Variants in UBTD2 observed in about 807,000 individuals in gnomAD.
UBTD2 encodes the protein ubiquitin domain-containing protein 2.
In UBTD2, 9 loss-of-function variants were observed where a neutral mutation model predicts 19.8. The ratio of observed to expected loss-of-function variants is 0.46; its 90% CI spans 0.27 to 0.79. The LOEUF (loss-of-function observed/expected upper bound fraction) is 0.79. UBTD2 is among the 30% of genes least tolerant of loss of function. The pLI is 0.14. For missense variants in UBTD2, 250 were observed against 300.4 expected (o/e 0.83, Z 1.24); for synonymous variants, 98 against 103.9 (o/e 0.94, Z 0.35).
At chr5:172,241,179 C>T (rs1014494001) in intron 1 of UBTD2, among the ~76,000 whole-genome samples, 3 of 151,740 alleles carry the variant, frequency 2.0e-5, no homozygotes, top group South Asian at 2.1e-4. Flanking sequence ...TTTGGGAGGC[C>T]GACGTGAGTG....
In UBTD2 at chr5:172,211,775, A is replaced by G; in HGVS notation, c.*55T>C. 2 of 1,514,674 alleles carry G rather than the reference A, an allele frequency of 1.3e-6. No individual in the cohort carries two copies. The highest frequency in any genetic ancestry group is 1.4e-5 in the South Asian group (1 of 73,014). The allele number at this position is 1,514,674 out of a possible 1,614,324, so 93.8% of individuals were successfully genotyped here. A position where few individuals can be genotyped will look rare whatever the true frequency, so the allele number is the denominator to read the frequency against. On this transcript the variant is annotated 3_prime_UTR_variant, in exon 3 of 3. Coordinates refer to ENST00000393792, the MANE Select transcript of UBTD2 (RefSeq NM_152277.3). ...TCACGCCGCAGAGTAGGAAATGACA[A>G]CAAGAACCATAAAAAGGAGCAGAGG...
chr5:172,230,143 T>C (rs796978252), intron 2 of UBTD2, among the ~76,000 whole-genome samples: 3 of 152,308 alleles, frequency 2.0e-5, no homozygotes, highest in African/African-American at 7.2e-5. Flanking sequence ...ATTTCCAGAA[T>C]GAAAATATAC....
intron 2 of UBTD2, among the ~76,000 whole-genome samples, chr5:172,220,622 T>C (rs1771632148): frequency 6.6e-6 from 1 of 151,312 alleles, no homozygotes; most frequent in Admixed American, 6.6e-5. Flanking sequence ...GCAAAATTCC[T>C]TTAAAAAACA....
At chr5:172,237,537 T>C (rs1772037381) in intron 1 of UBTD2, among the ~76,000 whole-genome samples, 1 of 152,216 alleles carries the variant, frequency 6.6e-6, no homozygotes, top group Non-Finnish European at 1.5e-5. Flanking sequence ...TGTTAAAAAA[T>C]GATTAAATCT....
intron 1 of UBTD2, among the ~76,000 whole-genome samples, chr5:172,235,823 AG>A: frequency 6.6e-6 from 1 of 151,796 alleles, no homozygotes; most frequent in East Asian, 1.9e-4. Flanking sequence ...GAAGATAGAA[AG>A]AAAATTGAAG....
At chr5:172,254,199 A>T (rs1755092805) in intron 1 of UBTD2, among the ~76,000 whole-genome samples, 1 of 152,100 alleles carries the variant, frequency 6.6e-6, no homozygotes, top group Non-Finnish European at 1.5e-5. Context: ...TCCCGGGTTC[A>T]AGGGATTCTC....
chr5:172,243,166 T>C (rs1772165738), intron 1 of UBTD2, among the ~76,000 whole-genome samples: 2 of 145,482 alleles, frequency 1.4e-5, no homozygotes, highest in South Asian at 4.4e-4. Flanking sequence ...ACTTTGCCAA[T>C]AAAACTTTTT....
intron 2 of UBTD2, 26 bp downstream of exon 2, chr5:172,234,096 C>A (rs1404810704): frequency 6.2e-7 from 1 of 1,606,892 alleles, no homozygotes; most frequent in South Asian, 1.1e-5. Context: ...TATGTTTCCT[C>A]TGTCCTTGAG....
chr5:172,217,283 G>C (rs963649794), intron 2 of UBTD2, among the ~76,000 whole-genome samples: 1 of 151,732 alleles, frequency 6.6e-6, no homozygotes, highest in Non-Finnish European at 1.5e-5. Context: ...GCCAGGCATG[G>C]TGGTGGGTGC....
At chr5:172,240,250 C>T (rs1455556140) in intron 1 of UBTD2, among the ~76,000 whole-genome samples, 5 of 152,122 alleles carry the variant, frequency 3.3e-5, no homozygotes, top group South Asian at 2.1e-4. Flanking sequence ...TGTGGCTTTA[C>T]GGCCTATCAC....
At chr5:172,278,998 G>T (rs1755661764) in intron 1 of UBTD2, among the ~76,000 whole-genome samples, 1 of 152,154 alleles carries the variant, frequency 6.6e-6, no homozygotes, top group Non-Finnish European at 1.5e-5. Flanking sequence ...GGCTGGTCTT[G>T]AACTCCTGAC....
rs573935110 is a variant in UBTD2, at chr5:172,279,394, A to C, written c.70+4202T>G. Among the ~76,000 whole-genome samples, 3 of 152,288 alleles carry C rather than the reference A, an allele frequency of 2.0e-5. No individual in the cohort carries two copies. The East Asian group carries it at 5.8e-4, about 29-fold the overall frequency. On this transcript the variant is annotated intron_variant, in intron 1 of 2. Transcript: ENST00000393792. Reference sequence around the variant, plus strand: ...GATAAATGGTAGATGCTATTCAAAAACCATTGTTACTCACTGAGTAGGTGT... The same window carrying C: ...GATAAATGGTAGATGCTATTCAAAACCCATTGTTACTCACTGAGTAGGTGT...
chr5:172,218,182 T>C (rs114184235), intron 2 of UBTD2, among the ~76,000 whole-genome samples: 59 of 152,296 alleles, frequency 3.9e-4, no homozygotes, highest in Non-Finnish European at 6.6e-4. Context: ...AGACAGGTAG[T>C]TGGAAAATCC....
At chr5:172,271,609 T>C (rs1755495119) in intron 1 of UBTD2, among the ~76,000 whole-genome samples, 1 of 152,142 alleles carries the variant, frequency 6.6e-6, no homozygotes, top group African/African-American at 2.4e-5. Context: ...GTACTTAATA[T>C]ACAGCAGGCC....
intron 2 of UBTD2, among the ~76,000 whole-genome samples, chr5:172,216,141 T>C (rs891762932): frequency 2.6e-5 from 4 of 151,800 alleles, no homozygotes; most frequent in African/African-American, 9.7e-5. Flanking sequence ...CACTCCAGCC[T>C]GGCAACAAGA....
At chr5:172,235,087 A>G (rs909762362) in intron 1 of UBTD2, among the ~76,000 whole-genome samples, 1 of 151,864 alleles carries the variant, frequency 6.6e-6, no homozygotes, top group Non-Finnish European at 1.5e-5. Flanking sequence ...GCTCTAAAAA[A>G]ATTTTTTTTT....
At chr5:172,231,809 T>C (rs932002846) in intron 2 of UBTD2, among the ~76,000 whole-genome samples, 55 of 152,116 alleles carry the variant, frequency 3.6e-4, no homozygotes, top group African/African-American at 1.3e-3. Context: ...GATAAAACTA[T>C]CTGTAAAGGA....
At chr5:172,282,557 C>T (rs1322489032) in intron 1 of UBTD2, among the ~76,000 whole-genome samples, 3 of 152,094 alleles carry the variant, frequency 2.0e-5, no homozygotes, top group Non-Finnish European at 2.9e-5. Flanking sequence ...GTTGTAAACC[C>T]TCCCATACCC....
chr5:172,273,699 A>G (rs751405348), intron 1 of UBTD2, among the ~76,000 whole-genome samples: 1 of 151,438 alleles, frequency 6.6e-6, no homozygotes, highest in African/African-American at 2.4e-5. Context: ...AAGGTAGATG[A>G]TCAGGAAGCA....
Sources: allele counts gnomAD v4.1 joint callset (sites outside exome capture counted in the v4.1 genomes callset), GRCh38; gene constraint gnomAD v4.1.1; transcripts MANE v1.5; gene names NCBI Gene and HGNC (gene_info 2026-07-23, HGNC 2026-07-21).